The following PPIL6 variants were observed in gnomAD, a reference collection of about 807,000 sequenced individuals.
The protein encoded by PPIL6 is peptidylprolyl isomerase like 6.
Under a neutral mutation model 36.8 loss-of-function variants are expected in PPIL6, and 39 were observed. That is an observed-to-expected ratio of 1.06 (90% CI 0.82 to 1.38). The LOEUF is 1.38. PPIL6 is among the 40% of genes most tolerant of loss of function. The probability of loss-of-function intolerance (pLI) is 0.00; values close to 1 mark genes in which losing one functional copy is unlikely to be tolerated. For missense variants in PPIL6, 368 were observed against 379.1 expected, an observed-to-expected ratio of 0.97 and a Z score of 0.24; for synonymous variants, 123 against 134.1, an observed-to-expected ratio of 0.92 and a Z score of 0.57.
At chr6:109,401,878 C>A (rs2115203546) in intron 6 of PPIL6, among the ~76,000 whole-genome samples, 1 of 152,138 alleles carries the variant, frequency 6.6e-6, no homozygotes, top group South Asian at 2.1e-4. Context: ...CGCCCACCAC[C>A]ACGCCCGGCT....
At chr6:109,439,368 T>C (rs2115304336) in intron 1 of PPIL6, among the ~76,000 whole-genome samples, 1 of 152,306 alleles carries the variant, frequency 6.6e-6, no homozygotes, top group South Asian at 2.1e-4. Flanking sequence ...TATTATTTAT[T>C]TATTTTGAGA....
upstream of PPIL6, chr6:109,440,633 CG>C (rs1204337100): frequency 1.7e-6 from 2 of 1,197,770 alleles, no homozygotes; most frequent in Non-Finnish European, 2.1e-6. Flanking sequence ...CACTGCGCGT[CG>C]CTCCGGCAAC....
intron 3 of PPIL6, among the ~76,000 whole-genome samples, chr6:109,430,199 C>G (rs990251664): frequency 6.6e-6 from 1 of 152,242 alleles, no homozygotes; most frequent in Admixed American, 6.5e-5. Flanking sequence ...TTAGCATTGG[C>G]TCACTGTAGG....
rs60069816 is a variant in PPIL6 at position 109,391,287 on chromosome 6, C to CAAAAAAAAA, written c.*1530_*1538dup. On this transcript the variant is annotated 3_prime_UTR_variant, in exon 8 of 8. Coordinates refer to ENST00000521072, the MANE Select transcript of PPIL6 (RefSeq NM_173672.5). ...TGGGCGACAGAGTGAGATTCCGTCTCAAAAAAAAAAAAAAAAAAAAAAAAA... is the reference window on the plus strand; with the variant it reads ...TGGGCGACAGAGTGAGATTCCGTCTCAAAAAAAAAAAAAAAAAAAAAAAAAAAAAAAAAA... 1 of 48,180 alleles carries CAAAAAAAAA rather than the reference C, an allele frequency of 2.1e-5. No individual in the cohort carries two copies. The highest frequency in any genetic ancestry group is 5.1e-5 in the Non-Finnish European group (1 of 19,576). 3.0% of individuals were successfully genotyped at this position (48,180 alleles called of 1,614,324 possible).
At chr6:109,404,635 GA>G (rs2115208579) in intron 6 of PPIL6, among the ~76,000 whole-genome samples, 1 of 152,310 alleles carries the variant, frequency 6.6e-6, no homozygotes, top group East Asian at 1.9e-4. Context: ...ACCTACTTTG[GA>G]GTTTAGTATT....
intron 6 of PPIL6, among the ~76,000 whole-genome samples, chr6:109,405,580 T>C (rs1772766527): frequency 6.6e-6 from 1 of 152,222 alleles, no homozygotes; most frequent in South Asian, 2.1e-4. Context: ...CACATTTGCT[T>C]CAACTTGATG....
chr6:109,414,885 C>T (rs57456332), intron 6 of PPIL6, among the ~76,000 whole-genome samples: 5,109 of 151,986 alleles, frequency 0.034, 226 homozygotes, highest in African/African-American at 0.096. Flanking sequence ...CATAAATAGT[C>T]GATTACATAT....
Position 109,407,552 on chromosome 6 carries a change from T to C in PPIL6, c.689-7382A>G, listed in dbSNP as rs150357812. Reference sequence around the variant, plus strand: ...CGGCCAGGACTATGGAATATTCTTATTAGCCTCTATTACATTTCATCTCTA... The same window carrying C: ...CGGCCAGGACTATGGAATATTCTTACTAGCCTCTATTACATTTCATCTCTA... On this transcript the variant is annotated intron_variant, in intron 6 of 7. Transcript: ENST00000521072. Among the ~76,000 whole-genome samples the C allele has an allele frequency of 3.2e-4, 49 of 152,300 alleles. No individual in the cohort carries two copies. In the East Asian group the frequency reaches 8.9e-3, roughly 28 times the overall value.
At chr6:109,419,820 T>C (rs115097551) in intron 5 of PPIL6, among the ~76,000 whole-genome samples, 46 of 152,304 alleles carry the variant, frequency 3.0e-4, no homozygotes, top group African/African-American at 1.1e-3. Context: ...AAAATATTAC[T>C]ATAATAATTT....
chr6:109,406,930 T>G (rs969342181), intron 6 of PPIL6, among the ~76,000 whole-genome samples: 1 of 152,168 alleles, frequency 6.6e-6, no homozygotes, highest in East Asian at 1.9e-4. Flanking sequence ...CCCAGTAATC[T>G]TTCAGAAAAG....
intron 2 of PPIL6, among the ~76,000 whole-genome samples, chr6:109,434,240 C>G (rs762907093): frequency 6.6e-6 from 1 of 152,096 alleles, no homozygotes; most frequent in East Asian, 1.9e-4. Context: ...GTTTGTCACC[C>G]GAGTTGTTGG....
chr6:109,440,728 A>G (rs544470120), upstream of PPIL6: 51 of 513,478 alleles, frequency 9.9e-5, 1 homozygote, highest in African/African-American at 9.3e-4. Context: ...GCCTTTCCTC[A>G]ACTTTGCGCC....
rs148019637 is a variant in PPIL6 at position 109,396,593 on chromosome 6, A to G, written c.824+3442T>C. Among the ~76,000 whole-genome samples, 3 of 152,224 alleles carry G rather than the reference A, an allele frequency of 2.0e-5. No homozygotes were observed. In the East Asian group the frequency reaches 5.8e-4, roughly 29 times the overall value. On this transcript the variant is annotated intron_variant, in intron 7 of 7. Transcript: ENST00000521072. ...TAGCTTCTCTATCTGGCTAACTTCT[A>G]CGTGACATTTCACTCCTCAGCTCAC...
At chr6:109,395,566 G>C (rs1359283883) in intron 7 of PPIL6, among the ~76,000 whole-genome samples, 1 of 151,488 alleles carries the variant, frequency 6.6e-6, no homozygotes, top group Non-Finnish European at 1.5e-5. Flanking sequence ...GGACAGTGCT[G>C]GCCTGGACTC....
intron 6 of PPIL6, among the ~76,000 whole-genome samples, chr6:109,412,528 T>C (rs1331800006): frequency 6.6e-6 from 1 of 152,202 alleles, no homozygotes; most frequent in Non-Finnish European, 1.5e-5. Flanking sequence ...AGCATGATAC[T>C]GGCATAAAAA....
At chr6:109,419,631 G>A (rs2115245587) in intron 5 of PPIL6, among the ~76,000 whole-genome samples, 1 of 152,098 alleles carries the variant, frequency 6.6e-6, no homozygotes, top group East Asian at 1.9e-4. Flanking sequence ...GCTGATGCAG[G>A]AGAATTGCTT....
At chr6:109,419,470 C>A (rs1562265530) in intron 5 of PPIL6, among the ~76,000 whole-genome samples, 1 of 151,804 alleles carries the variant, frequency 6.6e-6, no homozygotes, top group Non-Finnish European at 1.5e-5. Context: ...CGCCTGTAAT[C>A]CCAGCACTTT....
intron 6 of PPIL6, among the ~76,000 whole-genome samples, chr6:109,401,931 G>A (rs1772564914): frequency 6.6e-6 from 1 of 151,970 alleles, no homozygotes; most frequent in Admixed American, 6.6e-5. Flanking sequence ...CACCGTGTTT[G>A]CTAGGATGGT....
intron 3 of PPIL6, among the ~76,000 whole-genome samples, chr6:109,429,009 G>A (rs561410453): frequency 2.6e-4 from 39 of 152,278 alleles, no homozygotes; most frequent in African/African-American, 9.1e-4. Flanking sequence ...GAGTTCAAAT[G>A]AATGCAACAC....
Sources: gnomAD v4.1 joint callset for allele counts (sites outside exome capture counted in the v4.1 genomes callset) on GRCh38, gnomAD v4.1.1 for gene constraint, MANE v1.5 for transcripts, NCBI Gene and HGNC (gene_info 2026-07-23, HGNC 2026-07-21) for gene names.